The following RAD50 variants were observed in gnomAD, a reference collection of about 807,000 sequenced individuals.
The protein encoded by RAD50 is DNA repair protein RAD50.
RAD50 carries 132 observed loss-of-function variants against 168.8 expected under a neutral mutation model. That is an observed-to-expected ratio of 0.78 (90% CI 0.68 to 0.90). The LOEUF (loss-of-function observed/expected upper bound fraction) is 0.90. Ranked by LOEUF, RAD50 falls within the 40% of genes least tolerant of loss-of-function variation. The probability of loss-of-function intolerance (pLI) is 0.00; values close to 1 mark genes in which losing one functional copy is unlikely to be tolerated. For missense variants in RAD50, 1,347 were observed against 1,534.4 expected, an observed-to-expected ratio of 0.88 and a Z score of 2.04; for synonymous variants, 525 against 497.4, an observed-to-expected ratio of 1.06 and a Z score of -0.74.
chr5:132,595,369 A>C (rs1238310346), intron 12 of RAD50: 1 of 495,532 alleles, frequency 2.0e-6, no homozygotes, highest in Non-Finnish European at 3.4e-6. Flanking sequence ...ATGTGTTACC[A>C]AAAAATATTT....
At chr5:132,619,783 C>A (rs1046547800) in intron 21 of RAD50, among the ~76,000 whole-genome samples, 5 of 125,738 alleles carry the variant, frequency 4.0e-5, no homozygotes, top group Admixed American at 7.7e-5. Context: ...CTTCCCTACT[C>A]CTCTCTCTCT....
chr5:132,576,937 A>G (rs1580985619), intron 3 of RAD50, among the ~76,000 whole-genome samples: 1 of 152,242 alleles, frequency 6.6e-6, no homozygotes. Flanking sequence ...AGGTTGAGCT[A>G]ATGCATATAA....
rs786202847 is a variant in RAD50 at position 132,575,845 on chromosome 5, A to G, written c.282A>G (p.Ile94Met). 7 of 1,602,550 alleles carry G rather than the reference A, an allele frequency of 4.4e-6. No homozygotes were observed. The Admixed American group carries it at 1.0e-4, about 23-fold the overall frequency. ...TTCGTGATGTCAATGGAGAACTTAT[A>G]GCTGTGCAAAGATCTATGGTGTGTA... ...LQFRDVNGEL[I>M]AVQRSMVCTQ... Residue 94 changes from isoleucine to methionine, a missense_variant, in exon 3 of 25, where the codon ATA becomes ATG. By Grantham distance (10) the Ile-to-Met change is conservative. Transcript: ENST00000378823.
intron 2 of RAD50, among the ~76,000 whole-genome samples, chr5:132,561,141 T>C (rs563313137): frequency 5.3e-5 from 8 of 152,314 alleles, no homozygotes; most frequent in African/African-American, 1.9e-4. Context: ...ATCTCATAGT[T>C]TCCTTCTTTC....
At chr5:132,616,530 T>C (rs6596086) in intron 20 of RAD50, among the ~76,000 whole-genome samples, 49,863 of 152,062 alleles carry the variant, frequency 0.33, 10,666 homozygotes, top group African/African-American at 0.62. Flanking sequence ...GAGATTCATT[T>C]TAGATTTTCT....
chr5:132,581,203 C>A (rs947240787), intron 5 of RAD50, among the ~76,000 whole-genome samples: 3 of 151,936 alleles, frequency 2.0e-5, no homozygotes, highest in Non-Finnish European at 4.4e-5. Context: ...CGGGTTCAAG[C>A]AATTCTCCCA....
intron 22 of RAD50, among the ~76,000 whole-genome samples, chr5:132,637,617 C>A (rs1260353102): frequency 2.0e-5 from 3 of 152,038 alleles, no homozygotes; most frequent in Non-Finnish European, 2.9e-5. Flanking sequence ...GCAACCTCCA[C>A]CTCCTGGGTT....
Position 132,618,127 on chromosome 5 carries a change from A to G in RAD50, c.3222A>G (p.Ala1074=), listed in dbSNP as rs1486641970. Residue 1074 remains alanine, a synonymous_variant, in exon 21 of 25, where the codon GCA becomes GCG. Coordinates refer to ENST00000378823, the MANE Select transcript of RAD50 (RefSeq NM_005732.4). ...ATATAAAAAGAAATCATAATTTGGC[A>G]TTAGGGCGACAGAAAGGTTATGAAG... is the stretch of plus-strand genomic sequence containing the variant. ...IDNIKRNHNL[A]LGRQKGYEEE... 3 of 1,613,892 alleles carry G rather than the reference A, an allele frequency of 1.9e-6. No homozygotes were observed. Among genetic ancestry groups the G allele is most frequent in the African/African-American group, 1.3e-5 (1 of 75,054 alleles).
intron 2 of RAD50, among the ~76,000 whole-genome samples, chr5:132,567,654 C>G (rs1210374010): frequency 6.6e-6 from 1 of 152,122 alleles, no homozygotes; most frequent in Non-Finnish European, 1.5e-5. Flanking sequence ...TAGTAGAGAA[C>G]AACTACCAAG....
intron 21 of RAD50, among the ~76,000 whole-genome samples, chr5:132,636,593 G>A (rs761544078): frequency 2.6e-5 from 4 of 152,146 alleles, no homozygotes; most frequent in Non-Finnish European, 4.4e-5. Flanking sequence ...CTTTTGGTAA[G>A]CCTTAACAGT....
chr5:132,578,117 C>T (rs1369352554), intron 3 of RAD50, among the ~76,000 whole-genome samples: 1 of 152,104 alleles, frequency 6.6e-6, no homozygotes, highest in Non-Finnish European at 1.5e-5. Flanking sequence ...CCAGCCCCAT[C>T]TCTGATTTTT....
At chr5:132,598,362 C>CT (rs1413949779) in intron 13 of RAD50, among the ~76,000 whole-genome samples, 2 of 152,156 alleles carry the variant, frequency 1.3e-5, no homozygotes, top group Non-Finnish European at 2.9e-5. Flanking sequence ...AGTTTCCCCT[C>CT]TAAGAGTAAG....
intron 12 of RAD50, 197 bp downstream of exon 12, chr5:132,595,241 A>G (rs1750769310): frequency 1.6e-6 from 1 of 631,256 alleles, no homozygotes; most frequent in African/African-American, 1.8e-5. Flanking sequence ...TTGTCTATAA[A>G]ATGAGGACAC....
At chr5:132,630,856 CA>C (rs1471538316) in intron 21 of RAD50, 3 of 152,078 alleles carry the variant, frequency 2.0e-5, no homozygotes, top group Non-Finnish European at 4.4e-5. Flanking sequence ...TCACTAGAGA[CA>C]AAACTAAAAA....
intron 5 of RAD50, among the ~76,000 whole-genome samples, chr5:132,582,742 A>AT (rs145516806): frequency 0.033 from 4,975 of 151,646 alleles, 213 homozygotes; most frequent in African/African-American, 0.11. Flanking sequence ...CAGCTGCTCT[A>AT]TTTTTTTTAT....
intron 2 of RAD50, among the ~76,000 whole-genome samples, chr5:132,572,796 A>C (rs553649724): frequency 1.3e-5 from 2 of 152,246 alleles, no homozygotes; most frequent in African/African-American, 4.8e-5. Flanking sequence ...CTCCTCTACT[A>C]TCAGCATCTA....
intron 5 of RAD50, among the ~76,000 whole-genome samples, chr5:132,583,535 C>G: frequency 6.6e-6 from 1 of 152,056 alleles, no homozygotes; most frequent in East Asian, 1.9e-4. Flanking sequence ...GCAGTCAGTC[C>G]TCTCCCCTGC....
intron 5 of RAD50, among the ~76,000 whole-genome samples, chr5:132,583,693 T>C (rs921278415): frequency 8.2e-5 from 12 of 146,180 alleles, no homozygotes; most frequent in African/African-American, 3.1e-4. Context: ...TTCATTCCTT[T>C]TTTTTTTTTT....
intron 5 of RAD50, among the ~76,000 whole-genome samples, chr5:132,584,981 G>A (rs1453750997): frequency 6.6e-6 from 1 of 151,378 alleles, no homozygotes; most frequent in East Asian, 1.9e-4. Flanking sequence ...GATAGCATTA[G>A]GAGATACACC....
Sources: allele counts gnomAD v4.1 joint callset (sites outside exome capture counted in the v4.1 genomes callset), GRCh38; gene constraint gnomAD v4.1.1; transcripts MANE v1.5; gene names NCBI Gene and HGNC (gene_info 2026-07-23, HGNC 2026-07-21).